GMPS: variants seen among roughly 807,000 people sequenced by gnomAD.
The protein encoded by GMPS is GMP synthase [glutamine-hydrolyzing].
Under a neutral mutation model 77.9 loss-of-function variants are expected in GMPS, and 15 were observed. The ratio of observed to expected loss-of-function variants is 0.19; its 90% CI spans 0.13 to 0.30. The LOEUF (loss-of-function observed/expected upper bound fraction) is 0.30. GMPS is among the 10% of genes least tolerant of loss of function. GMPS has a pLI of 1.00. For synonymous variants in GMPS, 224 were observed against 275.9 expected, an observed-to-expected ratio of 0.81 and a Z score of 1.86; for missense variants, 590 against 838.8, an observed-to-expected ratio of 0.70 and a Z score of 3.66.
At chr3:155,878,133 T>G (rs924854583) in intron 1 of GMPS, among the ~76,000 whole-genome samples, 14 of 152,300 alleles carry the variant, frequency 9.2e-5, no homozygotes, top group African/African-American at 3.1e-4. Context: ...CCTCATGCTC[T>G]AACCACCTCC....
At chr3:155,906,396 T>C (rs1754883704) in intron 5 of GMPS, 133 bp downstream of exon 5, 1 of 539,800 alleles carries the variant, frequency 1.9e-6, no homozygotes, top group Non-Finnish European at 3.3e-6. Context: ...TTAAAGATAA[T>C]AATGAATGTA....
At chr3:155,908,730 T>G (rs1380356229) in intron 5 of GMPS, among the ~76,000 whole-genome samples, 1 of 152,192 alleles carries the variant, frequency 6.6e-6, no homozygotes, top group Non-Finnish European at 1.5e-5. Flanking sequence ...ATTTACCTGA[T>G]TGGAAAGACC....
intron 11 of GMPS, among the ~76,000 whole-genome samples, chr3:155,924,643 G>T (rs905337345): frequency 6.6e-6 from 1 of 152,076 alleles, no homozygotes; most frequent in African/African-American, 2.4e-5. Context: ...AGTAAAAAAT[G>T]GGTTAAATAG....
rs1056660811 is a variant in GMPS, at chr3:155,938,656, C to G, written c.*964C>G. ...AAAAATGTTTATATCATCTAGTAAA[C>G]AGTTGTAAAATGAGCTTTTAAATCT... On this transcript the variant is annotated 3_prime_UTR_variant, in exon 16 of 16. Transcript: ENST00000496455. 3 of 201,468 alleles carry G rather than the reference C, an allele frequency of 1.5e-5. No homozygotes were observed. Among genetic ancestry groups the G allele is most frequent in the Non-Finnish European group, 3.1e-5 (3 of 97,766 alleles). 12.5% of individuals were successfully genotyped at this position (201,468 alleles called of 1,614,324 possible).
rs1755861442 is a variant in GMPS at position 155,940,527 on chromosome 3, A to T, written c.*2835A>T. ...AATAACTTGACCCTAACCTGTAGAG[A>T]ATAAGAGCATTCAAATTAGGAAGGC... On this transcript the variant is annotated 3_prime_UTR_variant, in exon 16 of 16. Transcript: ENST00000496455. 4.6e-6 allele frequency: 1 copy of T among 216,694 alleles called. No homozygotes were observed. Among genetic ancestry groups the T allele is most frequent in the Admixed American group, 5.8e-5 (1 of 17,198 alleles). The allele number at this position is 216,694 out of a possible 1,614,324, so 13.4% of individuals were successfully genotyped here.
chr3:155,943,000 G>T lies in GMPS; in HGVS notation c.*5308G>T, dbSNP rs1755928892. 5.5e-6 allele frequency: 1 copy of T among 180,478 alleles called. No individual in the cohort carries two copies. The highest frequency in any genetic ancestry group is 2.4e-5 in the African/African-American group (1 of 42,374). The allele number at this position is 180,478 out of a possible 1,614,324, so 11.2% of individuals were successfully genotyped here. A position where few individuals can be genotyped will look rare whatever the true frequency, so the allele number is the denominator to read the frequency against. On this transcript the variant is annotated 3_prime_UTR_variant, in exon 16 of 16. Coordinates refer to ENST00000496455, the MANE Select transcript of GMPS (RefSeq NM_003875.3). ...AATCCCAGCACTTTGGGAGGCCGAG[G>T]CGGGCGGATCTCTTGAGGTCAGGAG...
intron 12 of GMPS, among the ~76,000 whole-genome samples, chr3:155,928,019 CTTTTTTT>C (rs35962523): frequency 5.9e-5 from 4 of 67,842 alleles, no homozygotes; most frequent in Non-Finnish European, 1.0e-4. Context: ...GCATTTTACA[CTTTTTTT>C]TTTTTTTTTT....
intron 3 of GMPS, among the ~76,000 whole-genome samples, chr3:155,899,619 C>T (rs1754685733): frequency 6.6e-6 from 1 of 152,142 alleles, no homozygotes; most frequent in Admixed American, 6.5e-5. Flanking sequence ...TCATTATTCC[C>T]AAAGTCCTTA....
chr3:155,917,135 G>A (rs758189242), intron 9 of GMPS, among the ~76,000 whole-genome samples: 14 of 151,914 alleles, frequency 9.2e-5, no homozygotes, highest in Non-Finnish European at 1.9e-4. Flanking sequence ...CACGAGGCCC[G>A]GCTAATTTTG....
intron 13 of GMPS, 53 bp from the exon 14 acceptor site, chr3:155,934,863 A>G: frequency 8.5e-7 from 1 of 1,181,056 alleles, no homozygotes; most frequent in Non-Finnish European, 1.3e-6. Flanking sequence ...CTAAAATGTA[A>G]TTTCTACATT....
intron 2 of GMPS, chr3:155,895,453 G>A (rs1408178794): frequency 1.3e-5 from 2 of 152,156 alleles, no homozygotes; most frequent in South Asian, 2.1e-4. Context: ...TGGGATTACA[G>A]GCATGTGCTG....
rs1755796139 is a variant in GMPS, at chr3:155,937,764, C to T, written c.*72C>T. ...AGAAATCATTCCCATTATTGACATGCAGTACTGTGAAAAGAGTTACTGGAG... is the reference window on the plus strand; with the variant it reads ...AGAAATCATTCCCATTATTGACATGTAGTACTGTGAAAAGAGTTACTGGAG... On this transcript the variant is annotated 3_prime_UTR_variant, in exon 16 of 16. Coordinates refer to ENST00000496455, the MANE Select transcript of GMPS (RefSeq NM_003875.3). The T allele has an allele frequency of 6.6e-6, 5 of 755,580 alleles. No homozygotes were observed. Among genetic ancestry groups the T allele is most frequent in the Non-Finnish European group, 1.2e-5 (5 of 425,982 alleles). The allele number at this position is 755,580 out of a possible 1,614,324, so 46.8% of individuals were successfully genotyped here.
Position 155,942,353 on chromosome 3 carries a change from G to T in GMPS, c.*4661G>T. 5.0e-6 allele frequency: 1 copy of T among 201,022 alleles called. No homozygotes were observed. Among genetic ancestry groups the T allele is most frequent in the Non-Finnish European group, 1.0e-5 (1 of 97,660 alleles). 12.5% of individuals were successfully genotyped at this position (201,022 alleles called of 1,614,324 possible). ...TCCGCCCGCCTCGGCCTCTCAGAGT[G>T]CTGGGATTACAGGCGTGAGCCACCA... is the stretch of plus-strand genomic sequence containing the variant. On this transcript the variant is annotated 3_prime_UTR_variant, in exon 16 of 16. Coordinates refer to ENST00000496455, the MANE Select transcript of GMPS (RefSeq NM_003875.3).
At chr3:155,883,838 G>A (rs1754267480) in intron 1 of GMPS, among the ~76,000 whole-genome samples, 1 of 152,050 alleles carries the variant, frequency 6.6e-6, no homozygotes, top group Non-Finnish European at 1.5e-5. Context: ...ACATAGTTCA[G>A]AACTTTTCCT....
At chr3:155,931,719 G>T (rs748248581) in intron 12 of GMPS, 46 bp from the exon 13 acceptor site, 17 of 721,994 alleles carry the variant, frequency 2.4e-5, no homozygotes, top group East Asian at 5.7e-5. Context: ...TTAAACTGGT[G>T]TATCTTTTGA....
chr3:155,916,912 A>G (rs1342444460), intron 9 of GMPS, among the ~76,000 whole-genome samples: 1 of 152,090 alleles, frequency 6.6e-6, no homozygotes, highest in Non-Finnish European at 1.5e-5. Context: ...CCTCACCAAG[A>G]CTTGTTGTTA....
chr3:155,891,013 A>G (rs1754450452), intron 1 of GMPS, among the ~76,000 whole-genome samples: 1 of 152,236 alleles, frequency 6.6e-6, no homozygotes, highest in Non-Finnish European at 1.5e-5. Flanking sequence ...CCAATCACCA[A>G]TAGAATGAAA....
intron 1 of GMPS, among the ~76,000 whole-genome samples, chr3:155,879,249 C>T (rs62286801): frequency 0.054 from 8,202 of 150,734 alleles, 312 homozygotes; most frequent in East Asian, 0.18. Flanking sequence ...TTCTCCACAT[C>T]CTTTTCTGCA....
At chr3:155,879,634 C>T (rs1174879590) in intron 1 of GMPS, among the ~76,000 whole-genome samples, 1 of 151,868 alleles carries the variant, frequency 6.6e-6, no homozygotes, top group African/African-American at 2.4e-5. Flanking sequence ...CTATGATTTG[C>T]ATTTCCCTAA....
Sources: allele counts gnomAD v4.1 joint callset (sites outside exome capture counted in the v4.1 genomes callset), GRCh38; gene constraint gnomAD v4.1.1; transcripts MANE v1.5; gene names NCBI Gene and HGNC (gene_info 2026-07-23, HGNC 2026-07-21).